The following ANKRD24 variants were observed in gnomAD, a reference collection of about 807,000 sequenced individuals.
ANKRD24 encodes the protein ankyrin repeat domain-containing protein 24.
In ANKRD24, 109 loss-of-function variants were observed where a neutral mutation model predicts 127.8. The ratio of observed to expected loss-of-function variants is 0.85; its 90% confidence interval spans 0.73 to 1.00. ANKRD24 has a LOEUF of 1.00. Ranked by LOEUF, ANKRD24 falls within the 50% of genes least tolerant of loss-of-function variation. ANKRD24 has a pLI of 0.00. For missense variants in ANKRD24, 1,648 were observed against 1,570.2 expected, an observed-to-expected ratio of 1.05 and a Z score of -0.84; for synonymous variants, 743 against 671.1, an observed-to-expected ratio of 1.11 and a Z score of -1.66.
rs2145274968 is a variant in ANKRD24, at chr19:4,198,822, A to G, written c.37-861A>G. ...AGTTTTGGGAAAACATTTTGGAGAC[A>G]GATGGGGTCATTGAGGGGACAACTT... On this transcript the variant is annotated intron_variant, in intron 2 of 21. Coordinates refer to ENST00000318934, the MANE Select transcript of ANKRD24 (RefSeq NM_001393985.1). This position sits in a 1 kb window ranked among gnomAD's most constrained non-coding sequence, Gnocchi z 6.1. 6.6e-6 allele frequency among the ~76,000 whole-genome samples: 1 copy of G among 152,306 alleles called. No individual in the cohort carries two copies. The highest frequency in any genetic ancestry group is 1.9e-4 in the East Asian group (1 of 5,182).
intron 1 of ANKRD24, 188 bp from the exon 2 acceptor site, chr19:4,186,197 TAAAAC>T (rs1968051304): frequency 3.0e-6 from 4 of 1,315,698 alleles, no homozygotes; most frequent in Admixed American, 3.0e-5. Context: ...ATGAGGGAAG[TAAAAC>T]AGAGAGGGCA....
intron 1 of ANKRD24, chr19:4,183,301 A>T (rs577043125): frequency 1.0e-6 from 1 of 986,212 alleles, no homozygotes; most frequent in African/African-American, 1.7e-5. Flanking sequence ...GTATCATCCA[A>T]CTGGAGGTTC....
intron 19 of ANKRD24, among the ~76,000 whole-genome samples, chr19:4,220,356 A>T (rs952355952): frequency 6.6e-6 from 1 of 152,144 alleles, no homozygotes; most frequent in African/African-American, 2.4e-5. Context: ...CTCACAGGAT[A>T]GGGGCTTTTA....
rs552920984 is a variant in ANKRD24, at chr19:4,218,054, C to G, written c.2894C>G (p.Ser965Trp). ...ERERVCSVAL[S>W]EHERIVGTLQ... ...GAGCGTGTGTGCAGCGTGGCGCTCT[C>G]GGAGCACGAACGCATCGTGGGCACC... The change falls in exon 18 of 22, where the codon TCG (serine) becomes TGG (tryptophan). Residue 965 changes from serine to tryptophan, a missense_variant. Transcript: ENST00000318934. The G allele has an allele frequency of 5.3e-5, 82 of 1,560,016 alleles. No individual in the cohort carries two copies. The South Asian group carries it at 9.5e-4, about 18-fold the overall frequency.
intron 2 of ANKRD24, 56 bp downstream of exon 2, chr19:4,186,517 C>G: frequency 6.4e-7 from 1 of 1,553,296 alleles, no homozygotes; most frequent in Admixed American, 1.9e-5. Flanking sequence ...CCTTCTGTCT[C>G]CTGGGGCTTG....
At position 4,202,078 on chromosome 19, in the gene ANKRD24, G is replaced by C. The variant is rs772629216; in HGVS notation, c.396G>C (p.Lys132Asn). 10 of 1,613,678 alleles carry C rather than the reference G, an allele frequency of 6.2e-6. No homozygotes were observed. The East Asian group carries it at 2.0e-4, about 32-fold the overall frequency. The change falls in exon 6 of 22, where the codon AAG becomes AAC. Residue 132 changes from lysine to asparagine, a missense_variant. Transcript: ENST00000318934. Reference protein sequence around the residue: ...AAKYGHPQCLKQLLQASCVVD... With the variant: ...AAKYGHPQCLNQLLQASCVVD... ...AATACGGGCACCCACAGTGCTTGAA[G>C]CAACTACTGCAGGTCATTTACTGTC...
intron 12 of ANKRD24, 24 bp from the exon 13 acceptor site, chr19:4,210,241 A>T (rs1349894762): frequency 6.4e-7 from 1 of 1,566,160 alleles, no homozygotes; most frequent in Non-Finnish European, 8.7e-7. Flanking sequence ...CCCCATCTAA[A>T]GGCCGTGGTG....
Position 4,216,728 on chromosome 19 carries a change from G to A in ANKRD24, c.1568G>A (p.Gly523Glu). Residue 523 changes from glycine (G) to glutamate (E), a missense_variant, in exon 18 of 22, where the codon GGG becomes GAG. Coordinates refer to ENST00000318934, the MANE Select transcript of ANKRD24 (RefSeq NM_001393985.1). Reference protein sequence around the residue: ...QETREVPREEGAACGESEVAG... With the variant: ...QETREVPREEEAACGESEVAG... ...ACACGAGAGGTCCCCAGAGAAGAGG[G>A]GGCAGCCTGTGGGGAGAGTGAGGTT... The A allele has an allele frequency of 6.3e-7, 1 of 1,577,662 alleles. No homozygotes were observed. The highest frequency in any genetic ancestry group is 8.6e-7 in the Non-Finnish European group (1 of 1,162,212).
At chr19:4,200,042 G>T (rs1246970220) in intron 4 of ANKRD24, 37 bp downstream of exon 4, 1 of 1,568,798 alleles carries the variant, frequency 6.4e-7, no homozygotes, top group South Asian at 1.2e-5. Context: ...ATGGCTGAGG[G>T]GTGGCAACCT....
chr19:4,206,270 G>A (rs1969380943), intron 7 of ANKRD24, among the ~76,000 whole-genome samples: 1 of 151,812 alleles, frequency 6.6e-6, no homozygotes, highest in African/African-American at 2.4e-5. Context: ...AGAGGCAGGA[G>A]GATTGCTTGA....
At chr19:4,196,226 C>T (rs1315560247) in intron 2 of ANKRD24, among the ~76,000 whole-genome samples, 2 of 152,244 alleles carry the variant, frequency 1.3e-5, no homozygotes, top group East Asian at 1.9e-4. Context: ...AGAGGGAAAG[C>T]GATTAGCTCA....
At chr19:4,202,199 CT>C in intron 6 of ANKRD24, 109 bp downstream of exon 6, 1 of 1,042,598 alleles carries the variant, frequency 9.6e-7, no homozygotes, top group Non-Finnish European at 1.5e-6. Flanking sequence ...TCCTTGGCCC[CT>C]TTTACTCCAG....
intron 2 of ANKRD24, among the ~76,000 whole-genome samples, chr19:4,188,810 G>C (rs1041180485): frequency 1.3e-5 from 2 of 151,902 alleles, no homozygotes; most frequent in East Asian, 1.9e-4. Flanking sequence ...GATTTGATTT[G>C]ATTTCATTTA....
chr19:4,190,892 C>T (rs557418380), intron 2 of ANKRD24, among the ~76,000 whole-genome samples: 1 of 152,254 alleles, frequency 6.6e-6, no homozygotes, highest in East Asian at 1.9e-4. Context: ...ATTTCCAAAG[C>T]ATAGTTATAT....
chr19:4,182,694 C>T lies in ANKRD24; in HGVS notation c.-83C>T. On this transcript the variant is annotated 5_prime_UTR_variant, in exon 1 of 22. Coordinates refer to ENST00000318934, the MANE Select transcript of ANKRD24 (RefSeq NM_001393985.1). ...ATGCGCCTCTTGCTGACGCCGCAGG[C>T]GACATGTTATCTGCTGTCAGAAGGA... is the stretch of plus-strand genomic sequence containing the variant. 7.1e-7 allele frequency: 1 copy of T among 1,413,890 alleles called. No homozygotes were observed. The highest frequency in any genetic ancestry group is 1.6e-5 in the South Asian group (1 of 64,362). 87.6% of individuals were successfully genotyped at this position (1,413,890 alleles called of 1,614,324 possible). A position where few individuals can be genotyped will look rare whatever the true frequency, so the allele number is the denominator to read the frequency against.
chr19:4,219,697 C>T lies in ANKRD24; in HGVS notation c.3110C>T (p.Ala1037Val), dbSNP rs1177795247. Residue 1037 changes from alanine to valine, a missense_variant, in exon 19 of 22, where the codon GCT becomes GTT. Coordinates refer to ENST00000318934, the MANE Select transcript of ANKRD24 (RefSeq NM_001393985.1). ...GGGCTACGGACCGAGGCGGAAAGGG[C>T]TCGCCAGGCCCAGAGCCGGGCCCAG... Reference protein sequence around the residue: ...LRGLRTEAERARQAQSRAQEA... With the variant: ...LRGLRTEAERVRQAQSRAQEA... 32 of 1,613,626 alleles carry T rather than the reference C, an allele frequency of 2.0e-5. 1 individual carries two copies. The Admixed American group carries it at 5.3e-4, about 27-fold the overall frequency.
Position 4,217,050 on chromosome 19 carries a change from AGAGACCACGGGAGTG to A in ANKRD24, c.1894_1908del (p.Thr632_Glu636del), listed in dbSNP as rs1970130372. Reference sequence around the variant, plus strand: ...CCACAGGAGCTCAGGCCACAGACACAGAGACCACGGGAGTGGAGGCCATGGGGGTGGAGGCCACAA... The same window carrying A: ...CCACAGGAGCTCAGGCCACAGACACAGAGGCCATGGGGGTGGAGGCCACAA... On this transcript the variant is annotated inframe_deletion, in exon 18 of 22. Coordinates refer to ENST00000318934, the MANE Select transcript of ANKRD24 (RefSeq NM_001393985.1). 1.4e-5 allele frequency: 22 copies of A among 1,613,804 alleles called. 1 individual carries two copies. The East Asian group carries it at 4.7e-4, about 34-fold the overall frequency.
chr19:4,203,026 C>T, intron 7 of ANKRD24, 100 bp downstream of exon 7: 1 of 950,068 alleles, frequency 1.1e-6, no homozygotes. Context: ...TGCTGTGAAG[C>T]TTCCTGTCTC....
In ANKRD24 at chr19:4,195,551, G is replaced by A. The variant is rs1968677262; in HGVS notation, c.37-4132G>A. ...AGGACACCCTCCTTCCCAAATGCCT[G>A]TCACTTTCCATTTTCCTGCCTTGGT... On this transcript the variant is annotated intron_variant, in intron 2 of 21. Transcript: ENST00000318934. The surrounding 1 kb of genome is among the most constrained non-coding windows in gnomAD (Gnocchi z 4.2). 6.6e-6 allele frequency among the ~76,000 whole-genome samples: 1 copy of A among 152,156 alleles called. No homozygotes were observed. The highest frequency in any genetic ancestry group is 1.5e-5 in the Non-Finnish European group (1 of 68,030).
Sources: gnomAD v4.1 joint callset for allele counts (sites outside exome capture counted in the v4.1 genomes callset) on GRCh38, gnomAD v4.1.1 for gene constraint, Gnocchi (gnomAD v3.1) non-coding constraint, MANE v1.5 for transcripts, NCBI Gene and HGNC (gene_info 2026-07-23, HGNC 2026-07-21) for gene names.